Variants in TBC1D15 observed in about 807,000 individuals in gnomAD.
The protein encoded by TBC1D15 is GAP for RAB7.
TBC1D15 carries 39 observed loss-of-function variants against 95.4 expected under a neutral mutation model. The observed-to-expected ratio is 0.41, with a 90% CI of 0.32 to 0.53. TBC1D15 has a LOEUF of 0.53. TBC1D15 is among the 20% of genes least tolerant of loss of function. TBC1D15 has a pLI of 0.29. For missense variants in TBC1D15, 733 were observed against 794.3 expected (o/e 0.92, Z 0.93); for synonymous variants, 258 against 261.3 (o/e 0.99, Z 0.12).
chr12:71,872,265 CAATTATGT>C (rs1225889744), intron 2 of TBC1D15, 97 bp downstream of exon 2: 1 of 620,412 alleles, frequency 1.6e-6, no homozygotes, highest in Non-Finnish European at 2.6e-6. Context: ...GTGTAAGATA[CAATTATGT>C]AATTGAACAG....
intron 3 of TBC1D15, among the ~76,000 whole-genome samples, chr12:71,877,022 G>C (rs775982608): frequency 6.6e-6 from 1 of 151,948 alleles, no homozygotes; most frequent in African/African-American, 2.4e-5. Context: ...TGTTGGCCAG[G>C]CTGGTCTCGA....
intron 4 of TBC1D15, among the ~76,000 whole-genome samples, chr12:71,882,929 C>A (rs538921594): frequency 1.9e-4 from 29 of 152,196 alleles, no homozygotes; most frequent in African/African-American, 6.7e-4. Flanking sequence ...ATATATGTCT[C>A]TTCTGTTAAT....
chr12:71,913,682 TTCTTGGTGAACATCAGTG>T (rs1227938677), intron 11 of TBC1D15, 126 bp from the exon 12 acceptor site: 2 of 578,860 alleles, frequency 3.5e-6, no homozygotes, highest in Non-Finnish European at 6.0e-6. Flanking sequence ...TTATATTCTT[TTCTTGGTGAACATCAGTG>T]TCTACCAATT....
At chr12:71,894,469 C>T in intron 6 of TBC1D15, 3 of 1,358,268 alleles carry the variant, frequency 2.2e-6, no homozygotes, top group Non-Finnish European at 3.1e-6. Flanking sequence ...ATTAACTTGT[C>T]ATTTATTATG....
At chr12:71,917,993 A>AG (rs1904111200) in intron 13 of TBC1D15, among the ~76,000 whole-genome samples, 196 bp downstream of exon 13, 4 of 152,050 alleles carry the variant, frequency 2.6e-5, no homozygotes, top group Admixed American at 2.6e-4. Context: ...CCCCATCTCT[A>AG]CAAGGAAAAA....
intron 10 of TBC1D15, among the ~76,000 whole-genome samples, chr12:71,903,531 G>C (rs528057708): frequency 6.6e-6 from 1 of 152,108 alleles, no homozygotes; most frequent in East Asian, 1.9e-4. Context: ...ATGTCCAAAG[G>C]GGTATAAATC....
intron 1 of TBC1D15, among the ~76,000 whole-genome samples, chr12:71,844,215 C>T (rs904763499): frequency 2.6e-5 from 4 of 152,222 alleles, no homozygotes; most frequent in African/African-American, 9.6e-5. Flanking sequence ...GTTCTTGGCC[C>T]TGCAGCCACT....
At chr12:71,891,320 A>G (rs923910223) in intron 5 of TBC1D15, among the ~76,000 whole-genome samples, 1 of 152,158 alleles carries the variant, frequency 6.6e-6, no homozygotes, top group Non-Finnish European at 1.5e-5. Context: ...TTGTGATACT[A>G]GACTATAGTT....
chr12:71,884,878 A>G lies in TBC1D15; in HGVS notation c.411A>G (p.Ser137=), dbSNP rs973658650. The change falls in exon 5 of 17, where the codon TCA becomes TCG. Residue 137 remains serine (S), a synonymous_variant. Transcript: ENST00000485960. ...TGTTCAGTTTGACAGACCTGAAATCAATCAAGCAAAACAAAGAGGGTATGG... is the reference window on the plus strand; with the variant it reads ...TGTTCAGTTTGACAGACCTGAAATCGATCAAGCAAAACAAAGAGGGTATGG... ...SFLFSLTDLK[S]IKQNKEGMGW... 1.2e-6 allele frequency: 2 copies of G among 1,613,966 alleles called. No homozygotes were observed. The highest frequency in any genetic ancestry group is 1.7e-5 in the Admixed American group (1 of 60,000).
At chr12:71,909,693 C>T (rs557811968) in intron 11 of TBC1D15, among the ~76,000 whole-genome samples, 2 of 152,112 alleles carry the variant, frequency 1.3e-5, no homozygotes, top group Non-Finnish European at 1.5e-5. Context: ...TTGGTGTAAG[C>T]AAGTGTACAG....
At chr12:71,858,182 C>T (rs1431697979) in intron 1 of TBC1D15, among the ~76,000 whole-genome samples, 2 of 152,008 alleles carry the variant, frequency 1.3e-5, no homozygotes, top group African/African-American at 4.8e-5. Flanking sequence ...AAGCGATTCT[C>T]CTGCCTCAGC....
intron 11 of TBC1D15, among the ~76,000 whole-genome samples, chr12:71,911,416 A>G (rs1902274912): frequency 6.6e-6 from 1 of 151,876 alleles, no homozygotes; most frequent in Non-Finnish European, 1.5e-5. Context: ...AATGTGGCAC[A>G]TATACACCAT....
At chr12:71,854,123 G>A (rs11178963) in intron 1 of TBC1D15, among the ~76,000 whole-genome samples, 2,648 of 152,172 alleles carry the variant, frequency 0.017, 78 homozygotes, top group African/African-American at 0.061. Context: ...CTTTCCCATA[G>A]CTGGGAACAC....
chr12:71,921,562 CAGG>C (rs1869352330), intron 16 of TBC1D15, 108 bp downstream of exon 16: 2 of 564,104 alleles, frequency 3.5e-6, no homozygotes, highest in Non-Finnish European at 5.9e-6. Flanking sequence ...AAGCTGAGGG[CAGG>C]CACAAAGTAT....
intron 1 of TBC1D15, among the ~76,000 whole-genome samples, chr12:71,851,573 C>G (rs773270573): frequency 6.6e-6 from 1 of 152,236 alleles, no homozygotes; most frequent in Non-Finnish European, 1.5e-5. Context: ...AAGTTAGTTA[C>G]TCCCAAGATT....
intron 6 of TBC1D15, among the ~76,000 whole-genome samples, chr12:71,893,673 G>A (rs1336899083): frequency 6.6e-6 from 1 of 151,776 alleles, no homozygotes; most frequent in Non-Finnish European, 1.5e-5. Flanking sequence ...TTAATGATCG[G>A]TTTAGGCAAA....
At chr12:71,910,456 A>G (rs1566063304) in intron 11 of TBC1D15, among the ~76,000 whole-genome samples, 2 of 151,614 alleles carry the variant, frequency 1.3e-5, no homozygotes, top group East Asian at 1.9e-4. Context: ...CTTGGGCAGT[A>G]TGACCATTTT....
At chr12:71,914,127 G>C (rs1903109315) in intron 12 of TBC1D15, among the ~76,000 whole-genome samples, 1 of 151,808 alleles carries the variant, frequency 6.6e-6, no homozygotes, top group Non-Finnish European at 1.5e-5. Context: ...GAAATAGTTT[G>C]TGCCTGTAGT....
At chr12:71,896,906 G>T in intron 9 of TBC1D15, 126 bp downstream of exon 9, 1 of 596,692 alleles carries the variant, frequency 1.7e-6, no homozygotes, top group Non-Finnish European at 2.8e-6. Context: ...TCATTTTTAT[G>T]TTTTAACTTA....
Sources: gnomAD v4.1 joint callset for allele counts (sites outside exome capture counted in the v4.1 genomes callset) on GRCh38, gnomAD v4.1.1 for gene constraint, MANE v1.5 for transcripts, NCBI Gene and HGNC (gene_info 2026-07-23, HGNC 2026-07-21) for gene names.